BAHCC1: variants seen among roughly 807,000 people sequenced by gnomAD.
The protein encoded by BAHCC1 is BAH and coiled-coil domain-containing protein 1.
BAHCC1 carries 43 observed loss-of-function variants against 88.2 expected under a neutral mutation model. The ratio of observed to expected loss-of-function variants is 0.49; its 90% CI spans 0.38 to 0.63. The LOEUF (loss-of-function observed/expected upper bound fraction) is 0.63. Ranked by LOEUF, BAHCC1 falls within the 20% of genes least tolerant of loss-of-function variation. The pLI is 0.00. For missense variants in BAHCC1, 3,023 were observed against 1,654.8 expected, an observed-to-expected ratio of 1.83 and a Z score of -14.34; for synonymous variants, 1,510 against 745.5, an observed-to-expected ratio of 2.03 and a Z score of -16.71.
intron 16 of BAHCC1, 56 bp downstream of exon 16, chr17:81,456,641 G>T: frequency 1.5e-6 from 1 of 661,618 alleles, no homozygotes; most frequent in East Asian, 2.7e-5. Context: ...GTCGCTCGGG[G>T]GCTGGAGGAG....
chr17:81,444,889 G>T, intron 8 of BAHCC1, 63 bp downstream of exon 8: 2 of 719,098 alleles, frequency 2.8e-6, no homozygotes, highest in Non-Finnish European at 5.1e-6. Context: ...GGGCAGCCGG[G>T]GGTGTGCTGG....
chr17:81,414,787 G>A (rs1555648347), intron 2 of BAHCC1, among the ~76,000 whole-genome samples: 1 of 152,156 alleles, frequency 6.6e-6, no homozygotes, highest in East Asian at 1.9e-4. Flanking sequence ...GGGACGGGGT[G>A]AGGCTGGGGG....
At position 81,458,484 on chromosome 17, in the gene BAHCC1, G is replaced by C. The variant is rs2029932366; in HGVS notation, c.5343+18G>C. The C allele has an allele frequency of 1.5e-6, 1 of 686,426 alleles. No homozygotes were observed. Among genetic ancestry groups the C allele is most frequent in the Non-Finnish European group, 2.7e-6 (1 of 372,858 alleles). The allele number at this position is 686,426 out of a possible 1,614,324, so 42.5% of individuals were successfully genotyped here. ...TGCTGCGGGTGAGGCTGGGCTCTGGGGTGCTGGGCGGAGAGGGTGGGTGCC... is the reference window on the plus strand; with the variant it reads ...TGCTGCGGGTGAGGCTGGGCTCTGGCGTGCTGGGCGGAGAGGGTGGGTGCC... On this transcript the variant is annotated intron_variant, in intron 18 of 27. Coordinates refer to ENST00000675386, the MANE Select transcript of BAHCC1 (RefSeq NM_001377448.1).
chr17:81,428,335 G>A (rs1212150366), intron 3 of BAHCC1, among the ~76,000 whole-genome samples: 1 of 152,230 alleles, frequency 6.6e-6, no homozygotes, highest in African/African-American at 2.4e-5. Context: ...CAGGATGTCT[G>A]TGGGAGGGAG....
chr17:81,443,742 C>T, intron 5 of BAHCC1, 67 bp from the exon 6 acceptor site: 1 of 696,874 alleles, frequency 1.4e-6, no homozygotes. Flanking sequence ...GGGGTCACTG[C>T]TTGCCTTAGC....
chr17:81,462,809 C>A lies in BAHCC1; in HGVS notation c.7453C>A (p.Arg2485Ser), dbSNP rs782433970. The A allele has an allele frequency of 1.3e-6, 1 of 780,216 alleles. No homozygotes were observed. The highest frequency in any genetic ancestry group is 1.7e-5 in the African/African-American group (1 of 59,156). The allele number at this position is 780,216 out of a possible 1,614,324, so 48.3% of individuals were successfully genotyped here. The change falls in exon 27 of 28, where the codon CGT becomes AGT. Residue 2485 changes from arginine (R) to serine (S), a missense_variant. Transcript: ENST00000675386. ...CATCGTGCGGGGCGAGGAGACCCTG[C>A]GTGTCGGGGACTGTGCCGTCTTCCT... ...KAIVRGEETL[R>S]VGDCAVFLSA... is the part of the protein sequence containing the mutation.
intron 2 of BAHCC1, among the ~76,000 whole-genome samples, chr17:81,408,545 T>C (rs2063909237): frequency 6.6e-6 from 1 of 151,964 alleles, no homozygotes; most frequent in African/African-American, 2.4e-5. Context: ...CCTGCCACCC[T>C]GGAGTTCTGA....
Position 81,443,559 on chromosome 17 carries a change from T to C in BAHCC1, c.2210T>C (p.Phe737Ser), listed in dbSNP as rs546355235. ...TARQGRAAPAFKGGGGPRSTH... is the reference protein window; with the variant it reads ...TARQGRAAPASKGGGGPRSTH... ...CGGCAGGGCCGGGCCGCCCCCGCCT[T>C]CAAAGGTACAGGCCCTGCACAGAGA... The change falls in exon 5 of 28, where the codon TTC becomes TCC. Residue 737 changes from phenylalanine (F) to serine (S), a missense_variant. Coordinates refer to ENST00000675386, the MANE Select transcript of BAHCC1 (RefSeq NM_001377448.1). 3.1e-6 allele frequency: 2 copies of C among 641,426 alleles called. No individual in the cohort carries two copies. The highest frequency in any genetic ancestry group is 3.6e-5 in the African/African-American group (2 of 55,774). 39.7% of individuals were successfully genotyped at this position (641,426 alleles called of 1,614,324 possible).
chr17:81,449,215 G>C (rs961856490), intron 11 of BAHCC1, among the ~76,000 whole-genome samples: 4 of 152,144 alleles, frequency 2.6e-5, no homozygotes, highest in Non-Finnish European at 5.9e-5. Context: ...CAATCCCCAG[G>C]GTGTGCAGAA....
In BAHCC1 at chr17:81,428,098, G is replaced by A. The variant is rs1213434839; in HGVS notation, c.358+1119G>A. Among the ~76,000 whole-genome samples, 3 of 152,192 alleles carry A rather than the reference G, an allele frequency of 2.0e-5. No individual in the cohort carries two copies. In the South Asian group the frequency reaches 6.2e-4, roughly 32 times the overall value. On this transcript the variant is annotated intron_variant, in intron 3 of 27. Coordinates refer to ENST00000675386, the MANE Select transcript of BAHCC1 (RefSeq NM_001377448.1). ...GGTGCAGGGGAGGCCGCTACCTTGGGATGCGGTGGGCAGCATGGGGTCCTC... is the reference window on the plus strand; with the variant it reads ...GGTGCAGGGGAGGCCGCTACCTTGGAATGCGGTGGGCAGCATGGGGTCCTC...
rs782816499 is a variant in BAHCC1 at position 81,459,576 on chromosome 17, A to G, written c.5877A>G (p.Arg1959=). Residue 1959 remains arginine (R), a synonymous_variant, in exon 23 of 28, where the codon CGA becomes CGG. Coordinates refer to ENST00000675386, the MANE Select transcript of BAHCC1 (RefSeq NM_001377448.1). ...GCGCCTACTGGAGTCAGAAGTCTCGATGTCTGTACCCGGGCAACGTGGTCC... is the reference window on the plus strand; with the variant it reads ...GCGCCTACTGGAGTCAGAAGTCTCGGTGTCTGTACCCGGGCAACGTGGTCC... The part of the protein sequence containing the change: ...RVCAYWSQKS[R]CLYPGNVVRG... 5.1e-6 allele frequency: 4 copies of G among 779,430 alleles called. No individual in the cohort carries two copies. In the South Asian group the frequency reaches 5.4e-5, roughly 10 times the overall value. 48.3% of individuals were successfully genotyped at this position (779,430 alleles called of 1,614,324 possible).
intron 2 of BAHCC1, among the ~76,000 whole-genome samples, chr17:81,404,046 C>T (rs993417896): frequency 5.3e-5 from 8 of 152,360 alleles, no homozygotes; most frequent in Admixed American, 1.3e-4. Context: ...CCCTGGAAAA[C>T]GCGCGTCCCC....
chr17:81,422,687 C>G (rs2064129325), intron 2 of BAHCC1: 1 of 351,740 alleles, frequency 2.8e-6, no homozygotes. Context: ...AGTGTCCTGC[C>G]CCCACCTGAT....
intron 14 of BAHCC1, among the ~76,000 whole-genome samples, chr17:81,454,968 G>C (rs1441673212): frequency 6.6e-6 from 1 of 152,238 alleles, no homozygotes; most frequent in Non-Finnish European, 1.5e-5. Context: ...TGGGATTTGG[G>C]TAACAGAAGC....
intron 7 of BAHCC1, 41 bp downstream of exon 7, chr17:81,444,609 G>A: frequency 1.3e-6 from 1 of 750,536 alleles, no homozygotes; most frequent in South Asian, 1.4e-5. Context: ...GGGCTGATGA[G>A]GGTTCCCTCC....
intron 11 of BAHCC1, 22 bp downstream of exon 11, chr17:81,447,870 AC>A (rs2064563903): frequency 2.8e-6 from 2 of 717,036 alleles, no homozygotes; most frequent in Admixed American, 2.0e-5. Flanking sequence ...GGTTGCCGCC[AC>A]CCCCCAGAGT....
chr17:81,409,533 C>T (rs557738059), intron 2 of BAHCC1, among the ~76,000 whole-genome samples: 4 of 152,308 alleles, frequency 2.6e-5, no homozygotes, highest in East Asian at 1.9e-4. Flanking sequence ...GGCTGTGAGG[C>T]GACTCCCTGA....
At position 81,452,851 on chromosome 17, in the gene BAHCC1, A is replaced by T; in HGVS notation, c.4445A>T (p.Lys1482Met). ...CCCAGGAGCGATGGCAAGAAAGTCA[A>T]GTGAGTCCTGGGCACTGGCATGGCA... ...PLPRSDGKKV[K>M]AVRTSLGLLC... Residue 1482 changes from lysine (K) to methionine (M), a missense_variant and splice_region_variant, in exon 14 of 28, where the codon AAG becomes ATG. Transcript: ENST00000675386. 1.3e-6 allele frequency: 1 copy of T among 745,016 alleles called. No individual in the cohort carries two copies. Among genetic ancestry groups the T allele is most frequent in the Non-Finnish European group, 2.5e-6 (1 of 403,740 alleles). 46.2% of individuals were successfully genotyped at this position (745,016 alleles called of 1,614,324 possible).
chr17:81,458,138 T>G (rs2029896112), intron 17 of BAHCC1, 27 bp from the exon 18 acceptor site: 1 of 715,402 alleles, frequency 1.4e-6, no homozygotes, highest in African/African-American at 1.7e-5. Context: ...TGGGGACCCC[T>G]GTGACGGCCT....
Sources: gnomAD v4.1 joint callset for allele counts (sites outside exome capture counted in the v4.1 genomes callset) on GRCh38, gnomAD v4.1.1 for gene constraint, MANE v1.5 for transcripts, NCBI Gene and HGNC (gene_info 2026-07-23, HGNC 2026-07-21) for gene names.